The following SLC1A1 variants were observed in gnomAD, a reference collection of about 807,000 sequenced individuals.
SLC1A1 encodes the protein excitatory amino acid transporter 3.
SLC1A1 carries 43 observed loss-of-function variants against 53.3 expected under a neutral mutation model. That is an observed-to-expected ratio of 0.81 (90% CI 0.63 to 1.04). The LOEUF (loss-of-function observed/expected upper bound fraction) is 1.04. Ranked by LOEUF, SLC1A1 falls within the 50% of genes least tolerant of loss-of-function variation. SLC1A1 has a pLI of 0.00. For synonymous variants in SLC1A1, 307 were observed against 243.2 expected, an observed-to-expected ratio of 1.26 and a Z score of -2.44; for missense variants, 748 against 664.9, an observed-to-expected ratio of 1.12 and a Z score of -1.37.
At chr9:4,555,808 A>G (rs1207559267) in intron 2 of SLC1A1, among the ~76,000 whole-genome samples, 2 of 152,186 alleles carry the variant, frequency 1.3e-5, no homozygotes, top group Admixed American at 6.5e-5. Flanking sequence ...GCTCCTCTGA[A>G]AGCCCACAGT....
At chr9:4,525,999 G>C (rs575247741) in intron 1 of SLC1A1, among the ~76,000 whole-genome samples, 1 of 152,164 alleles carries the variant, frequency 6.6e-6, no homozygotes, top group Admixed American at 6.5e-5. Flanking sequence ...TGTCTTATAT[G>C]CATATACTGA....
intron 1 of SLC1A1, among the ~76,000 whole-genome samples, chr9:4,533,876 A>G (rs1287529307): frequency 2.0e-5 from 3 of 152,226 alleles, no homozygotes; most frequent in Non-Finnish European, 4.4e-5. Context: ...ACCACAGTGC[A>G]ATCAAACTAG....
chr9:4,549,543 A>G lies in SLC1A1; in HGVS notation c.232+4836A>G, dbSNP rs1817758453. On this transcript the variant is annotated intron_variant, in intron 2 of 11. Transcript: ENST00000262352. This position sits in a 1 kb window ranked among gnomAD's most constrained non-coding sequence, Gnocchi z 4.1. ...CTTAGCTGCTTGCCTCCAGGAGGCT[A>G]GAGTTCATCTCTAAAGGTGTTCCAA... Among the ~76,000 whole-genome samples the G allele has an allele frequency of 6.6e-6, 1 of 152,126 alleles. No individual in the cohort carries two copies. The highest frequency in any genetic ancestry group is 2.1e-4 in the South Asian group (1 of 4,830).
chr9:4,576,161 C>G, intron 9 of SLC1A1, 38 bp downstream of exon 9: 1 of 1,602,496 alleles, frequency 6.2e-7, no homozygotes, highest in Non-Finnish European at 8.5e-7. Context: ...AGCCTCCAGG[C>G]TCAACGTTAT....
intron 1 of SLC1A1, among the ~76,000 whole-genome samples, chr9:4,509,505 A>C (rs1404204284): frequency 3.3e-5 from 5 of 152,080 alleles, no homozygotes; most frequent in South Asian, 4.2e-4. Flanking sequence ...GCAGGGAACC[A>C]AAAGGCAGGG....
At chr9:4,507,510 A>G (rs938101567) in intron 1 of SLC1A1, among the ~76,000 whole-genome samples, 3 of 152,230 alleles carry the variant, frequency 2.0e-5, no homozygotes, top group African/African-American at 4.8e-5. Flanking sequence ...TCACTTAAAG[A>G]TAAAAGTAAA....
chr9:4,494,955 T>C (rs936023645), intron 1 of SLC1A1, among the ~76,000 whole-genome samples: 6 of 152,248 alleles, frequency 3.9e-5, no homozygotes, highest in Admixed American at 2.0e-4. Context: ...GGCATTTACA[T>C]GACAGAGCTG....
chr9:4,566,215 G>C (rs1463414374), intron 5 of SLC1A1, 126 bp downstream of exon 5: 2 of 832,472 alleles, frequency 2.4e-6, no homozygotes, highest in Non-Finnish European at 4.2e-6. Flanking sequence ...AAGTAAACCT[G>C]TGACTGGCCA....
At chr9:4,490,887 C>A (rs2130782963) in intron 1 of SLC1A1, 117 bp downstream of exon 1, 2 of 799,554 alleles carry the variant, frequency 2.5e-6, no homozygotes, top group Admixed American at 2.3e-5. Flanking sequence ...CCCTCGATGC[C>A]CCCTCGGCCT....
chr9:4,558,946 T>C (rs1451083870), intron 2 of SLC1A1, among the ~76,000 whole-genome samples: 1 of 152,234 alleles, frequency 6.6e-6, no homozygotes, highest in African/African-American at 2.4e-5. Context: ...GAAATAATTA[T>C]TACAGTTATC....
chr9:4,571,295 C>G (rs762267674), intron 6 of SLC1A1, among the ~76,000 whole-genome samples: 1 of 146,224 alleles, frequency 6.8e-6, no homozygotes, highest in Non-Finnish European at 1.5e-5. Context: ...AGGCTTAATA[C>G]CTGGGTGATA....
chr9:4,565,198 A>G (rs1399765804), intron 4 of SLC1A1, among the ~76,000 whole-genome samples: 1 of 152,238 alleles, frequency 6.6e-6, no homozygotes, highest in Admixed American at 6.5e-5. Flanking sequence ...GTTTCCAGGT[A>G]TGTGGCTTAG....
chr9:4,491,819 TG>T (rs1310671827), intron 1 of SLC1A1, among the ~76,000 whole-genome samples: 2 of 152,196 alleles, frequency 1.3e-5, no homozygotes, highest in Non-Finnish European at 2.9e-5. Flanking sequence ...AAAAGGCAAG[TG>T]GGGACAGCTT....
Position 4,585,613 on chromosome 9 carries a change from C to G in SLC1A1, c.*55C>G. On this transcript the variant is annotated 3_prime_UTR_variant, in exon 12 of 12. Transcript: ENST00000262352. ...GGAAGGACATTTCCGTGAGAGTCAT[C>G]TCAAACACTGCTTAAGGAAAAGAGA... The G allele has an allele frequency of 6.2e-7, 1 of 1,604,948 alleles. No individual in the cohort carries two copies.
At position 4,491,740 on chromosome 9, in the gene SLC1A1, A is replaced by C. The variant is rs562927993; in HGVS notation, c.91+970A>C. On this transcript the variant is annotated intron_variant, in intron 1 of 11. Coordinates refer to ENST00000262352, the MANE Select transcript of SLC1A1 (RefSeq NM_004170.6). ...CTCCTCAGCAGGTGAGGGCTGTTGC[A>C]CCCTCTGAGGAATGTGGATTCCTCG... 8.4e-4 allele frequency among the ~76,000 whole-genome samples: 127 copies of C among 152,072 alleles called. 1 individual carries two copies. The highest frequency in any genetic ancestry group is 2.9e-3 in the African/African-American group (120 of 41,476).
At chr9:4,501,577 C>T (rs533952702) in intron 1 of SLC1A1, among the ~76,000 whole-genome samples, 112 of 151,622 alleles carry the variant, frequency 7.4e-4, no homozygotes, top group South Asian at 1.5e-3. Context: ...CCAGCCTGAC[C>T]AACATGGAGA....
rs745861873 is a variant in SLC1A1, at chr9:4,490,752, G to C, written c.73G>C (p.Val25Leu). The change falls in exon 1 of 12, where the codon GTG (valine) becomes CTG (leucine). Residue 25 changes from valine (V) to leucine (L), a missense_variant. Physicochemically the swap from Val to Leu is conservative, Grantham distance 32 (BLOSUM62 1). Transcript: ENST00000262352. ...LKNNWVLLST[V>L]AAVVLGITTG... ...GAATAACTGGGTGTTGCTGTCCACC[G>C]TGGCCGCGGTGGTGCTAGGTGAGCG... 1.2e-6 allele frequency: 2 copies of C among 1,612,332 alleles called. No homozygotes were observed. Among genetic ancestry groups the C allele is most frequent in the Non-Finnish European group, 1.7e-6 (2 of 1,178,804 alleles).
At position 4,550,575 on chromosome 9, in the gene SLC1A1, G is replaced by A. The variant is rs143173316; in HGVS notation, c.232+5868G>A. 7.9e-4 allele frequency among the ~76,000 whole-genome samples: 120 copies of A among 152,126 alleles called. 1 individual carries two copies. The East Asian group carries it at 0.012, about 15-fold the overall frequency. On this transcript the variant is annotated intron_variant, in intron 2 of 11. Transcript: ENST00000262352. ...TGCCTGGCTAATTCTTACTTTTGTC[G>A]CGATAGGGTCTTGATATATTGCCAG...
rs1586758872 is a variant in SLC1A1 at position 4,549,748 on chromosome 9, T to G, written c.232+5041T>G. 6.6e-6 allele frequency among the ~76,000 whole-genome samples: 1 copy of G among 152,316 alleles called. No homozygotes were observed. Among genetic ancestry groups the G allele is most frequent in the East Asian group, 1.9e-4 (1 of 5,186 alleles). ...GCCACAGGGGGATAGCCTTTCCTCG[T>G]GGACCCCATCAGGAGCCTTCCATAG... is the stretch of plus-strand genomic sequence containing the variant. On this transcript the variant is annotated intron_variant, in intron 2 of 11. Transcript: ENST00000262352. The surrounding 1 kb of genome is among the most constrained non-coding windows in gnomAD (Gnocchi z 4.1).
Sources: gnomAD v4.1 joint callset for allele counts (sites outside exome capture counted in the v4.1 genomes callset) on GRCh38, gnomAD v4.1.1 for gene constraint, Gnocchi (gnomAD v3.1) non-coding constraint, MANE v1.5 for transcripts, NCBI Gene and HGNC (gene_info 2026-07-23, HGNC 2026-07-21) for gene names.